The following RGPD3 variants were observed in gnomAD, a reference collection of about 807,000 sequenced individuals.
RGPD3 encodes the protein ranBP2-like and GRIP domain-containing protein 3.
Under a neutral mutation model 154.5 loss-of-function variants are expected in RGPD3, and 62 were observed. The observed-to-expected ratio is 0.40, with a 90% CI of 0.33 to 0.50. RGPD3 has a LOEUF of 0.50. RGPD3 is among the 20% of genes least tolerant of loss of function. The pLI is 0.59. For missense variants in RGPD3, 919 were observed against 1,716.8 expected (o/e 0.54, Z 8.21); for synonymous variants, 308 against 607.0 (o/e 0.51, Z 7.24).
upstream of RGPD3, among the ~76,000 whole-genome samples, chr2:106,469,295 T>C (rs1678750975): frequency 6.8e-6 from 1 of 147,934 alleles, no homozygotes; most frequent in African/African-American, 2.5e-5. Flanking sequence ...ATCATTTCCA[T>C]GACCTTACAC....
intron 6 of RGPD3, among the ~76,000 whole-genome samples, chr2:106,448,137 TCTCA>T (rs1260675172): frequency 6.6e-6 from 1 of 150,628 alleles, no homozygotes; most frequent in East Asian, 1.9e-4. Context: ...AGACGGAGTC[TCTCA>T]CTATCGCCTG....
chr2:106,468,138 C>T (rs1485494654), intron 1 of RGPD3, 79 bp downstream of exon 1: 26 of 1,513,018 alleles, frequency 1.7e-5, no homozygotes, highest in African/African-American at 4.2e-5. Context: ...ACGCCTGAGC[C>T]ATCGAGGCCG....
intron 1 of RGPD3, 100 bp downstream of exon 1, chr2:106,468,117 C>A: frequency 2.1e-6 from 3 of 1,446,820 alleles, no homozygotes; most frequent in Admixed American, 2.4e-5. Context: ...CAGCGCTCGT[C>A]GGGAGCCATG....
chr2:106,468,805 C>CAA (rs57971663), upstream of RGPD3, among the ~76,000 whole-genome samples: 28 of 56,910 alleles, frequency 4.9e-4, no homozygotes, highest in Admixed American at 8.4e-4. Flanking sequence ...GACTCCATCT[C>CAA]AAAAAAAAAA....
At position 106,412,751 on chromosome 2, in the gene RGPD3, T is replaced by C. The variant is rs1164870208; in HGVS notation, c.5266+333A>G. 1.0e-5 allele frequency: 5 copies of C among 499,004 alleles called. No individual in the cohort carries two copies. The East Asian group carries it at 2.7e-4, about 27-fold the overall frequency. The allele number at this position is 499,004 out of a possible 1,614,324, so 30.9% of individuals were successfully genotyped here. A position where few individuals can be genotyped will look rare whatever the true frequency, so the allele number is the denominator to read the frequency against. On this transcript the variant is annotated intron_variant, in intron 22 of 22. Transcript: ENST00000409886. ...GTGAAGTAGAAAAGGAACAAGCTAA[T>C]AAATGTTTTTTAAAAAGTAGAATTT...
chr2:106,451,588 C>T (rs898002692), intron 6 of RGPD3, among the ~76,000 whole-genome samples: 3 of 151,288 alleles, frequency 2.0e-5, no homozygotes, highest in Admixed American at 6.6e-5. Flanking sequence ...CAAAATTAGG[C>T]AGGGGCCATA....
chr2:106,438,502 C>G (rs1208180922), intron 9 of RGPD3, among the ~76,000 whole-genome samples: 2 of 148,322 alleles, frequency 1.3e-5, no homozygotes, highest in East Asian at 4.3e-4. Context: ...TACAACAAGG[C>G]TGGTCACGGT....
At chr2:106,440,159 G>A (rs1327972699) in intron 8 of RGPD3, among the ~76,000 whole-genome samples, 5 of 103,212 alleles carry the variant, frequency 4.8e-5, no homozygotes, top group East Asian at 5.7e-4. Flanking sequence ...AATAGGTAAG[G>A]AATTCCTCAT....
At chr2:106,437,341 C>T (rs2433715) in intron 9 of RGPD3, among the ~76,000 whole-genome samples, 1 of 124,950 alleles carries the variant, frequency 8.0e-6, no homozygotes, top group Non-Finnish European at 1.6e-5. Flanking sequence ...TGAAACTCCG[C>T]CTCTACTAAA....
At chr2:106,412,301 T>TG (rs1479823883) in intron 22 of RGPD3, among the ~76,000 whole-genome samples, 1 of 54,714 alleles carries the variant, frequency 1.8e-5, no homozygotes, top group African/African-American at 6.3e-5. Flanking sequence ...TAGTTTTTTT[T>TG]TTTTTTTTTT....
chr2:106,438,222 C>G, intron 9 of RGPD3, among the ~76,000 whole-genome samples: 1 of 152,192 alleles, frequency 6.6e-6, no homozygotes, highest in Admixed American at 6.5e-5. Flanking sequence ...GCCACTGTGT[C>G]GGGCTTAATC....
rs201464898 is a variant in RGPD3, at chr2:106,414,740, T to C, written c.5064+1110A>G. 3.6e-4 allele frequency among the ~76,000 whole-genome samples: 55 copies of C among 151,248 alleles called. No homozygotes were observed. In the East Asian group the frequency reaches 0.011, roughly 29 times the overall value. ...GAAAATGTTATTTTATAGAGATGCA[T>C]ACTGAAGTATTTAATGGTGGAATGT... On this transcript the variant is annotated intron_variant, in intron 21 of 22. Coordinates refer to ENST00000409886, the MANE Select transcript of RGPD3 (RefSeq NM_001144013.2).
chr2:106,448,357 G>A (rs1474114651), intron 6 of RGPD3, among the ~76,000 whole-genome samples: 20 of 152,104 alleles, frequency 1.3e-4, no homozygotes, highest in Middle Eastern at 3.2e-3. Context: ...CGATCCGCCC[G>A]CCTCAGCTTA....
intron 6 of RGPD3, among the ~76,000 whole-genome samples, chr2:106,449,415 G>A (rs1285023580): frequency 1.5e-4 from 19 of 129,104 alleles, no homozygotes; most frequent in Non-Finnish European, 2.0e-4. Context: ...GCAGTGATCC[G>A]AGATCACACT....
upstream of RGPD3, among the ~76,000 whole-genome samples, chr2:106,470,507 G>C (rs956023477): frequency 1.3e-5 from 2 of 151,968 alleles, no homozygotes; most frequent in African/African-American, 4.8e-5. Flanking sequence ...CCACATTACT[G>C]AGTCATGAGT....
At chr2:106,430,063 T>C (rs1294375009) in intron 17 of RGPD3, among the ~76,000 whole-genome samples, 4 of 151,076 alleles carry the variant, frequency 2.6e-5, no homozygotes, top group Non-Finnish European at 5.9e-5. Flanking sequence ...TTTTGTATAA[T>C]AGTAGAGATG....
chr2:106,415,777 T>C, intron 21 of RGPD3, 73 bp downstream of exon 21: 1 of 1,605,064 alleles, frequency 6.2e-7, no homozygotes, highest in Non-Finnish European at 8.5e-7. Flanking sequence ...TTTTTAAACT[T>C]GGGTACATGT....
chr2:106,424,138 G>C lies in RGPD3; in HGVS notation c.3829C>G (p.Pro1277Ala). ...SVHASPLASS[P>A]VRKNLFHFDE... is the part of the protein sequence containing the mutation. The stretch of plus-strand genomic sequence containing the variant: ...AAGTGGAAAAGATTTTTTCTCACAG[G>C]GCTACTTGCCAATGGAGAAGCATGT... Residue 1277 changes from proline to alanine, a missense_variant, in exon 20 of 23, where the codon CCT (proline) becomes GCT (alanine). By Grantham distance (27) the Pro-to-Ala change is conservative (BLOSUM62 -1). Transcript: ENST00000409886. 1 of 1,599,860 alleles carries C rather than the reference G, an allele frequency of 6.3e-7. No homozygotes were observed. Among genetic ancestry groups the C allele is most frequent in the Non-Finnish European group, 8.5e-7 (1 of 1,176,658 alleles).
intron 11 of RGPD3, 68 bp from the exon 12 acceptor site, chr2:106,436,314 G>A: frequency 6.2e-7 from 1 of 1,610,836 alleles, no homozygotes; most frequent in South Asian, 1.1e-5. Flanking sequence ...ATACATATAT[G>A]TTAATGGGTC....
Sources: allele counts gnomAD v4.1 joint callset (sites outside exome capture counted in the v4.1 genomes callset), GRCh38; gene constraint gnomAD v4.1.1; transcripts MANE v1.5; gene names NCBI Gene and HGNC (gene_info 2026-07-23, HGNC 2026-07-21).